The following SCYL2 variants were observed in gnomAD, a reference collection of about 807,000 sequenced individuals.
SCYL2 encodes SCY1-like protein 2.
In SCYL2, 36 loss-of-function variants were observed where a neutral mutation model predicts 100.4. The observed-to-expected ratio is 0.36, with a 90% confidence interval of 0.27 to 0.47. The LOEUF (loss-of-function observed/expected upper bound fraction) is 0.47. SCYL2 is among the 20% of genes least tolerant of loss of function. The probability of loss-of-function intolerance (pLI) is 1.00; values close to 1 mark genes in which losing one functional copy is unlikely to be tolerated. For synonymous variants in SCYL2, 330 were observed against 359.2 expected, an observed-to-expected ratio of 0.92 and a Z score of 0.92; for missense variants, 902 against 1,083.9, an observed-to-expected ratio of 0.83 and a Z score of 2.36.
chr12:100,302,657 A>G (rs1453182565), intron 4 of SCYL2, among the ~76,000 whole-genome samples: 1 of 152,180 alleles, frequency 6.6e-6, no homozygotes, highest in Non-Finnish European at 1.5e-5. Flanking sequence ...CTTTGTGGGT[A>G]ACCCGACCTT....
intron 10 of SCYL2, among the ~76,000 whole-genome samples, 198 bp from the exon 11 acceptor site, chr12:100,323,327 C>CT (rs2096358264): frequency 6.6e-6 from 1 of 152,022 alleles, no homozygotes; most frequent in Non-Finnish European, 1.5e-5. Flanking sequence ...GTCTTCTGAG[C>CT]TTTTTTTCTC....
At chr12:100,270,283 G>C (rs2096286206) in intron 1 of SCYL2, among the ~76,000 whole-genome samples, 1 of 151,972 alleles carries the variant, frequency 6.6e-6, no homozygotes, top group Non-Finnish European at 1.5e-5. Context: ...CACCGCGCCT[G>C]GCCGAGATTT....
intron 3 of SCYL2, among the ~76,000 whole-genome samples, chr12:100,292,573 C>T (rs1222347652): frequency 1.3e-5 from 2 of 152,182 alleles, no homozygotes; most frequent in Non-Finnish European, 2.9e-5. Flanking sequence ...TCTCACCCTT[C>T]AAAGGCACAA....
rs200644755 is a variant in SCYL2 at position 100,331,622 on chromosome 12, ATGT to A, written c.1761+2307_1761+2309del. ...GACCCTGTCTCTAATTCTGTTTGAA[ATGT>A]TGTGTTAATTTACTTCAGCTTAGTG... On this transcript the variant is annotated intron_variant, in intron 13 of 17. Coordinates refer to ENST00000360820, the MANE Select transcript of SCYL2 (RefSeq NM_017988.6). Among the ~76,000 whole-genome samples, 327 of 152,126 alleles carry A rather than the reference ATGT, an allele frequency of 2.1e-3. 5 individuals carry two copies. The East Asian group carries it at 0.036, about 17-fold the overall frequency.
At chr12:100,291,706 G>A (rs1260745790) in intron 3 of SCYL2, 46 bp downstream of exon 3, 4 of 1,487,416 alleles carry the variant, frequency 2.7e-6, no homozygotes, top group Non-Finnish European at 3.6e-6. Flanking sequence ...TGAACAAATA[G>A]TTAAAAATAA....
At position 100,337,797 on chromosome 12, in the gene SCYL2, A is replaced by G. The variant is rs371825969; in HGVS notation, c.2145+291A>G. Among the ~76,000 whole-genome samples the G allele has an allele frequency of 5.9e-5, 9 of 152,208 alleles. 1 individual carries two copies. The East Asian group carries it at 9.6e-4, about 16-fold the overall frequency. On this transcript the variant is annotated intron_variant, in intron 17 of 17. Transcript: ENST00000360820. ...CTCATTCAACTCTGTTCACTCTGAAATGATCAGAATATTATATTCATGCTC... is the reference window on the plus strand; with the variant it reads ...CTCATTCAACTCTGTTCACTCTGAAGTGATCAGAATATTATATTCATGCTC...
intron 2 of SCYL2, 78 bp downstream of exon 2, chr12:100,283,225 TAAG>T: frequency 7.8e-7 from 1 of 1,290,106 alleles, no homozygotes; most frequent in South Asian, 1.5e-5. Context: ...ATTTTTATGT[TAAG>T]AAATGCCAAA....
chr12:100,319,245 G>T (rs1397129816), intron 10 of SCYL2: 2 of 455,876 alleles, frequency 4.4e-6, no homozygotes, highest in East Asian at 6.9e-5. Flanking sequence ...TAAAGGTGAG[G>T]GTATGCTGCC....
chr12:100,339,143 A>G lies in SCYL2; in HGVS notation c.2761A>G (p.Ser921Gly), dbSNP rs767165101. The change falls in exon 18 of 18, where the codon AGC becomes GGC. Residue 921 changes from serine to glycine, a missense_variant. By Grantham distance (56) the Ser-to-Gly change is moderately conservative. Coordinates refer to ENST00000360820, the MANE Select transcript of SCYL2 (RefSeq NM_017988.6). The stretch of plus-strand genomic sequence containing the variant: ...TACTATGACCAATAGCAGTTCAGCT[A>G]GCAATGATTTAAAAGATCTTTTTGG... ...PTTMTNSSSA[S>G]NDLKDLFG 5 of 1,613,332 alleles carry G rather than the reference A, an allele frequency of 3.1e-6. No homozygotes were observed. Among genetic ancestry groups the G allele is most frequent in the Middle Eastern group, 1.7e-4 (1 of 6,054 alleles).
At chr12:100,331,137 A>G (rs1592969916) in intron 13 of SCYL2, among the ~76,000 whole-genome samples, 1 of 151,940 alleles carries the variant, frequency 6.6e-6, no homozygotes, top group East Asian at 1.9e-4. Context: ...CCTAGATTTT[A>G]ATTTTTGGTT....
chr12:100,313,701 C>T (rs1221734833), intron 7 of SCYL2, among the ~76,000 whole-genome samples, 163 bp downstream of exon 7: 1 of 152,144 alleles, frequency 6.6e-6, no homozygotes, highest in Non-Finnish European at 1.5e-5. Context: ...ACATCTGTAT[C>T]CTTGAGTGTA....
At chr12:100,270,668 T>A (rs1337291429) in intron 1 of SCYL2, among the ~76,000 whole-genome samples, 3 of 150,688 alleles carry the variant, frequency 2.0e-5, no homozygotes, top group African/African-American at 7.3e-5. Flanking sequence ...AGAGACAGGG[T>A]CTCACTATGT....
intron 10 of SCYL2, among the ~76,000 whole-genome samples, chr12:100,321,005 T>C (rs779729930): frequency 1.1e-4 from 16 of 152,344 alleles, no homozygotes; most frequent in Non-Finnish European, 2.4e-4. Context: ...CTTAGCTCAC[T>C]GTGGCCTTGA....
At chr12:100,330,527 C>T (rs1221163939) in intron 13 of SCYL2, among the ~76,000 whole-genome samples, 9 of 152,052 alleles carry the variant, frequency 5.9e-5, no homozygotes, top group South Asian at 2.1e-4. Context: ...GATATAGAGA[C>T]GAGTCATTTT....
chr12:100,271,063 G>T (rs533016952), intron 1 of SCYL2, among the ~76,000 whole-genome samples: 106 of 152,082 alleles, frequency 7.0e-4, no homozygotes, highest in African/African-American at 2.4e-3. Context: ...TACTCAGCTG[G>T]TTTAATCTTT....
At position 100,291,660 on chromosome 12, in the gene SCYL2, G is replaced by C. The variant is rs77739147; in HGVS notation, c.335G>C (p.Arg112Thr). 1.9e-6 allele frequency: 3 copies of C among 1,564,914 alleles called. No individual in the cohort carries two copies. Among genetic ancestry groups the C allele is most frequent in the South Asian group, 1.3e-5 (1 of 78,692 alleles). Residue 112 changes from arginine (R) to threonine (T), a missense_variant and splice_region_variant, in exon 3 of 18, where the codon AGG (arginine) becomes ACG (threonine). By Grantham distance (71) the Arg-to-Thr change is moderately conservative. Transcript: ENST00000360820. ...LTVQHPLEES[R>T]DCLAFCTEPV... ...GTCCAGCATCCTTTAGAAGAATCCA[G>C]GTAAATTTTTACAAAAACTTACATA...
chr12:100,290,531 TAA>T (rs2096309346), intron 2 of SCYL2, among the ~76,000 whole-genome samples: 1 of 152,096 alleles, frequency 6.6e-6, no homozygotes, highest in Non-Finnish European at 1.5e-5. Flanking sequence ...ATGAAAATAA[TAA>T]TGCTAATGTA....
intron 2 of SCYL2, among the ~76,000 whole-genome samples, chr12:100,287,819 T>TA (rs1313034561): frequency 6.6e-6 from 1 of 152,184 alleles, no homozygotes; most frequent in Non-Finnish European, 1.5e-5. Flanking sequence ...AATAAAAAGT[T>TA]AAAAAATATT....
chr12:100,333,692 T>C (rs150851920), intron 13 of SCYL2: 1 of 153,338 alleles, frequency 6.5e-6, no homozygotes, highest in African/African-American at 2.4e-5. Flanking sequence ...GTACATTTAA[T>C]TTTTCAACTG....
Sources: allele counts gnomAD v4.1 joint callset (sites outside exome capture counted in the v4.1 genomes callset), GRCh38; gene constraint gnomAD v4.1.1; transcripts MANE v1.5; gene names NCBI Gene and HGNC (gene_info 2026-07-23, HGNC 2026-07-21).